CAP2: variants seen among roughly 807,000 people sequenced by gnomAD.
The protein encoded by CAP2 is adenylyl cyclase-associated protein 2.
CAP2 carries 24 observed loss-of-function variants against 57.7 expected under a neutral mutation model. That is an observed-to-expected ratio of 0.42 (90% CI 0.30 to 0.58). CAP2 has a LOEUF of 0.58. Ranked by LOEUF, CAP2 falls within the 20% of genes least tolerant of loss-of-function variation. The pLI is 0.22. For missense variants in CAP2, 501 were observed against 590.3 expected (o/e 0.85, Z 1.57); for synonymous variants, 194 against 207.2 (o/e 0.94, Z 0.55).
chr6:17,404,886 A>G (rs941173573), intron 1 of CAP2, among the ~76,000 whole-genome samples: 2 of 151,960 alleles, frequency 1.3e-5, no homozygotes, highest in Non-Finnish European at 2.9e-5. Flanking sequence ...TACTTTATTC[A>G]TCGTTATTGT....
intron 3 of CAP2, among the ~76,000 whole-genome samples, chr6:17,431,176 G>A (rs1759720550): frequency 6.6e-6 from 1 of 152,018 alleles, no homozygotes; most frequent in Admixed American, 6.6e-5. Context: ...AGAAGGGTGA[G>A]GATCAGAAAG....
At chr6:17,471,830 CAAA>C (rs10546732) in intron 4 of CAP2, among the ~76,000 whole-genome samples, 17 of 134,978 alleles carry the variant, frequency 1.3e-4, no homozygotes, top group African/African-American at 2.6e-4. Context: ...GACTCCGTCT[CAAA>C]AAAAAAAAAA....
chr6:17,428,860 T>C (rs1561779886), intron 3 of CAP2, among the ~76,000 whole-genome samples: 1 of 152,052 alleles, frequency 6.6e-6, no homozygotes, highest in Admixed American at 6.6e-5. Flanking sequence ...CCAACACCAG[T>C]CTCCCAGGGG....
intron 7 of CAP2, among the ~76,000 whole-genome samples, chr6:17,537,911 A>G (rs2113696176): frequency 6.6e-6 from 1 of 152,140 alleles, no homozygotes; most frequent in Middle Eastern, 3.4e-3. Flanking sequence ...TACTAAAGAT[A>G]TAAAAATTAG....
chr6:17,488,205 A>C (rs760212238), intron 4 of CAP2, among the ~76,000 whole-genome samples: 11 of 152,226 alleles, frequency 7.2e-5, no homozygotes, highest in Non-Finnish European at 1.5e-4. Context: ...ACCACATCCA[A>C]CCTGATTCTT....
At chr6:17,467,527 T>A (rs1368462275) in intron 4 of CAP2, among the ~76,000 whole-genome samples, 3 of 151,972 alleles carry the variant, frequency 2.0e-5, no homozygotes, top group Non-Finnish European at 4.4e-5. Context: ...ACTCTTAACG[T>A]TTGTTTGTTT....
intron 12 of CAP2, among the ~76,000 whole-genome samples, chr6:17,555,055 G>A (rs1763264035): frequency 6.6e-6 from 1 of 152,226 alleles, no homozygotes; most frequent in Admixed American, 6.5e-5. Flanking sequence ...CTACCTCTGG[G>A]ATAAAACCTT....
At chr6:17,490,002 A>G (rs959921938) in intron 4 of CAP2, among the ~76,000 whole-genome samples, 2 of 152,128 alleles carry the variant, frequency 1.3e-5, no homozygotes, top group Non-Finnish European at 2.9e-5. Context: ...AACACAATGC[A>G]TTATCCCTCC....
chr6:17,460,806 A>G (rs149848200), intron 3 of CAP2, among the ~76,000 whole-genome samples: 123 of 152,312 alleles, frequency 8.1e-4, no homozygotes, highest in Non-Finnish European at 1.5e-3. Flanking sequence ...GGAGGTTACA[A>G]TGATGTTCAT....
At chr6:17,550,606 C>T (rs1330445067) in intron 11 of CAP2, among the ~76,000 whole-genome samples, 3 of 151,780 alleles carry the variant, frequency 2.0e-5, no homozygotes, top group African/African-American at 4.8e-5. Flanking sequence ...ATGTCTTTAT[C>T]GCTTTAATTA....
intron 11 of CAP2, among the ~76,000 whole-genome samples, chr6:17,546,736 C>A (rs1034543091): frequency 2.0e-5 from 3 of 152,126 alleles, no homozygotes; most frequent in African/African-American, 7.2e-5. Flanking sequence ...ATTGAATGGG[C>A]AAAAACTGGA....
chr6:17,445,891 C>T (rs557013853), intron 3 of CAP2, among the ~76,000 whole-genome samples: 36 of 152,242 alleles, frequency 2.4e-4, no homozygotes, highest in Non-Finnish European at 4.1e-4. Context: ...GGCTGCAGCT[C>T]GAAAACTATT....
At chr6:17,411,188 G>A (rs1462660121) in intron 1 of CAP2, among the ~76,000 whole-genome samples, 1 of 152,118 alleles carries the variant, frequency 6.6e-6, no homozygotes, top group Non-Finnish European at 1.5e-5. Flanking sequence ...TTTTGCTTAG[G>A]CATTCACAGG....
chr6:17,398,824 C>T (rs565231615), intron 1 of CAP2, among the ~76,000 whole-genome samples: 12 of 151,956 alleles, frequency 7.9e-5, no homozygotes, highest in Admixed American at 5.2e-4. Flanking sequence ...GTGCCCGGTC[C>T]GATTTTAAAC....
At chr6:17,494,770 G>C (rs1272614570) in intron 4 of CAP2, among the ~76,000 whole-genome samples, 1 of 152,160 alleles carries the variant, frequency 6.6e-6, no homozygotes, top group Non-Finnish European at 1.5e-5. Flanking sequence ...TTTTGGATGA[G>C]ATTAACATTT....
intron 4 of CAP2, among the ~76,000 whole-genome samples, chr6:17,470,323 CCTAT>C (rs1284810519): frequency 6.6e-6 from 1 of 152,152 alleles, no homozygotes; most frequent in East Asian, 1.9e-4. Context: ...ACAAATAATT[CCTAT>C]CTCAAAGGGT....
At chr6:17,492,694 T>C (rs1165705882) in intron 4 of CAP2, among the ~76,000 whole-genome samples, 2 of 152,236 alleles carry the variant, frequency 1.3e-5, no homozygotes, top group Non-Finnish European at 2.9e-5. Flanking sequence ...AGTCAAACGT[T>C]GTAGTCAGCT....
intron 4 of CAP2, among the ~76,000 whole-genome samples, chr6:17,477,063 G>T (rs964860147): frequency 1.3e-5 from 2 of 151,968 alleles, no homozygotes; most frequent in African/African-American, 4.8e-5. Flanking sequence ...TAGAGACGGG[G>T]TTTCACCATG....
At chr6:17,541,646 A>G (rs770251433) in intron 9 of CAP2, among the ~76,000 whole-genome samples, 1 of 152,146 alleles carries the variant, frequency 6.6e-6, no homozygotes, top group Non-Finnish European at 1.5e-5. Context: ...AGTATTTATC[A>G]TTTCTATGTG....
Sources: gnomAD v4.1 joint callset for allele counts (sites outside exome capture counted in the v4.1 genomes callset) on GRCh38, gnomAD v4.1.1 for gene constraint, MANE v1.5 for transcripts, NCBI Gene and HGNC (gene_info 2026-07-23, HGNC 2026-07-21) for gene names.